CFHR5: variants seen among roughly 807,000 people sequenced by gnomAD.
The protein encoded by CFHR5 is complement factor H-related protein 5.
In CFHR5, 73 loss-of-function variants were observed where a neutral mutation model predicts 62.9. The observed-to-expected ratio is 1.16, with a 90% CI of 0.96 to 1.41. The LOEUF (loss-of-function observed/expected upper bound fraction) is 1.41, where lower values mean the gene tolerates loss of function less well. Among genes scored for constraint, CFHR5 ranks in the 40% most tolerant of loss-of-function variants. CFHR5 has a pLI of 0.00. For synonymous variants in CFHR5, 249 were observed against 227.2 expected (o/e 1.10, Z -0.86); for missense variants, 779 against 679.9 (o/e 1.15, Z -1.62).
chr1:197,003,300 A>G (rs1282992774), intron 8 of CFHR5, among the ~76,000 whole-genome samples: 1 of 152,116 alleles, frequency 6.6e-6, no homozygotes, highest in Non-Finnish European at 1.5e-5. Flanking sequence ...CCTGTCATGC[A>G]GCCCGGTTCC....
chr1:197,004,811 A>G lies in CFHR5; in HGVS notation c.1481A>G (p.Asn494Ser). Residue 494 changes from asparagine (N) to serine (S), a missense_variant, in exon 9 of 10, where the codon AAT becomes AGT. By Grantham distance (46) the Asn-to-Ser change is conservative. Coordinates refer to ENST00000256785, the MANE Select transcript of CFHR5 (RefSeq NM_030787.4). Reference protein sequence around the residue: ...LQGSVTVTCRNKQWSEPPRCL... With the variant: ...LQGSVTVTCRSKQWSEPPRCL... ...GGCTCTGTAACTGTAACATGCAGAA[A>G]TAAACAGTGGTCAGAACCACCAAGA... 3 of 1,613,834 alleles carry G rather than the reference A, an allele frequency of 1.9e-6. No individual in the cohort carries two copies. Among genetic ancestry groups the G allele is most frequent in the Non-Finnish European group, 2.5e-6 (3 of 1,179,786 alleles).
At chr1:196,984,596 G>A (rs942101844) in intron 3 of CFHR5, among the ~76,000 whole-genome samples, 9 of 152,042 alleles carry the variant, frequency 5.9e-5, no homozygotes, top group South Asian at 2.1e-4. Context: ...ATTTGTGAGC[G>A]GCTTAGAATT....
intron 2 of CFHR5, among the ~76,000 whole-genome samples, chr1:196,983,290 A>G (rs1653591295): frequency 6.6e-6 from 1 of 152,222 alleles, no homozygotes; most frequent in African/African-American, 2.4e-5. Flanking sequence ...GAAATGCCCT[A>G]CATGTTGAAA....
intron 8 of CFHR5, 47 bp from the exon 9 acceptor site, chr1:197,004,614 T>C: frequency 7.1e-7 from 1 of 1,415,390 alleles, no homozygotes; most frequent in East Asian, 2.3e-5. Context: ...TTATATTATT[T>C]TGTTTAAACT....
intron 3 of CFHR5, among the ~76,000 whole-genome samples, chr1:196,992,733 A>G (rs760468674): frequency 1.1e-4 from 16 of 152,222 alleles, no homozygotes; most frequent in Non-Finnish European, 1.8e-4. Context: ...TAAACAACCA[A>G]TAAAGAACTG....
chr1:196,998,285 T>A lies in CFHR5; in HGVS notation c.1128T>A (p.Asn376Lys). 5 of 1,611,348 alleles carry A rather than the reference T, an allele frequency of 3.1e-6. No homozygotes were observed. The South Asian group carries it at 5.5e-5, about 18-fold the overall frequency. The change falls in exon 7 of 10, where the codon AAT becomes AAA. Residue 376 changes from asparagine to lysine, a missense_variant. By Grantham distance (94) the Asn-to-Lys change is moderately conservative. Transcript: ENST00000256785. ...CAGTCTGTATAAACGGGAAATGGAATCCTGAAGTAGACTGCACAGGTAAGA... is the reference window on the plus strand; with the variant it reads ...CAGTCTGTATAAACGGGAAATGGAAACCTGAAGTAGACTGCACAGGTAAGA... ...RHSVCINGKW[N>K]PEVDCTEKRE...
At chr1:197,004,130 CT>C (rs968418247) in intron 8 of CFHR5, among the ~76,000 whole-genome samples, 9 of 151,992 alleles carry the variant, frequency 5.9e-5, no homozygotes, top group Non-Finnish European at 1.2e-4. Context: ...GAAGTTGTTA[CT>C]TTTTTTAGTT....
chr1:196,996,281 G>C, intron 6 of CFHR5, 80 bp downstream of exon 6: 5 of 1,163,194 alleles, frequency 4.3e-6, no homozygotes, highest in Non-Finnish European at 5.1e-6. Context: ...AATCTGGCTA[G>C]AATTACAATT....
At chr1:196,981,653 A>G (rs76229867) in intron 1 of CFHR5, among the ~76,000 whole-genome samples, 3 of 151,952 alleles carry the variant, frequency 2.0e-5, no homozygotes, top group Non-Finnish European at 4.4e-5. Flanking sequence ...CCTCAGTATC[A>G]TTAGTATCCT....
intron 3 of CFHR5, among the ~76,000 whole-genome samples, chr1:196,992,236 G>A (rs1653865439): frequency 6.6e-6 from 1 of 152,098 alleles, no homozygotes; most frequent in Admixed American, 6.5e-5. Context: ...CTGGAGACTG[G>A]ACACACCACT....
intron 3 of CFHR5, among the ~76,000 whole-genome samples, chr1:196,988,631 G>C (rs1334767058): frequency 2.0e-5 from 3 of 151,994 alleles, no homozygotes; most frequent in Admixed American, 1.3e-4. Context: ...AGATAATCAC[G>C]TGTTTTTGTC....
rs758371568 is a variant in CFHR5 at position 196,984,101 on chromosome 1, C to A, written c.394C>A (p.Arg132=). 5.6e-6 allele frequency: 9 copies of A among 1,613,530 alleles called. No homozygotes were observed. Among genetic ancestry groups the A allele is most frequent in the African/African-American group, 4.0e-5 (3 of 74,856 alleles). Residue 132 remains arginine (R), a synonymous_variant, in exon 3 of 10, where the codon CGG becomes AGG. Transcript: ENST00000256785. ...NNEKNISCVE[R]GWSTPPICSF... ...TGAGAAAAACATTTCGTGTGTAGAACGGGGCTGGTCCACTCCTCCCATATG... is the reference window on the plus strand; with the variant it reads ...TGAGAAAAACATTTCGTGTGTAGAAAGGGGCTGGTCCACTCCTCCCATATG...
intron 4 of CFHR5, among the ~76,000 whole-genome samples, chr1:196,994,688 G>A (rs866156566): frequency 6.6e-6 from 1 of 152,066 alleles, no homozygotes; most frequent in Non-Finnish European, 1.5e-5. Flanking sequence ...TATCAAAAAT[G>A]GCTTATCACA....
At chr1:197,007,374 T>C (rs915900952) in intron 9 of CFHR5, among the ~76,000 whole-genome samples, 13 of 151,872 alleles carry the variant, frequency 8.6e-5, no homozygotes. Flanking sequence ...CAATCAAAAT[T>C]CAGTATAAAA....
chr1:197,001,443 G>A (rs1048350400), intron 7 of CFHR5, among the ~76,000 whole-genome samples: 1 of 151,822 alleles, frequency 6.6e-6, no homozygotes, highest in Non-Finnish European at 1.5e-5. Context: ...GCTAAACCAG[G>A]AAAGAGTAGA....
intron 3 of CFHR5, among the ~76,000 whole-genome samples, chr1:196,986,728 A>G (rs1178463739): frequency 6.6e-6 from 1 of 152,118 alleles, no homozygotes; most frequent in Non-Finnish European, 1.5e-5. Context: ...ATAGTATTCC[A>G]TGGTGTATGT....
At chr1:196,988,966 T>G (rs1290458427) in intron 3 of CFHR5, among the ~76,000 whole-genome samples, 1 of 152,168 alleles carries the variant, frequency 6.6e-6, no homozygotes, top group Admixed American at 6.5e-5. Flanking sequence ...TCTTTGAACC[T>G]CTGGTAGAAT....
intron 1 of CFHR5, among the ~76,000 whole-genome samples, chr1:196,980,147 T>C (rs1323813331): frequency 2.0e-5 from 3 of 152,262 alleles, no homozygotes; most frequent in East Asian, 3.9e-4. Flanking sequence ...AGAAGGTCTT[T>C]AGGGCAGTAA....
intron 7 of CFHR5, among the ~76,000 whole-genome samples, chr1:196,998,893 T>A (rs949890706): frequency 2.0e-5 from 3 of 151,726 alleles, no homozygotes; most frequent in Admixed American, 6.6e-5. Flanking sequence ...GGAATGACAA[T>A]AAAAGAGAGA....
Sources: gnomAD v4.1 joint callset for allele counts (sites outside exome capture counted in the v4.1 genomes callset) on GRCh38, gnomAD v4.1.1 for gene constraint, MANE v1.5 for transcripts, NCBI Gene and HGNC (gene_info 2026-07-23, HGNC 2026-07-21) for gene names.